ATP9A: variants seen among roughly 807,000 people sequenced by gnomAD.
ATP9A encodes the protein ATPase phospholipid transporting 9A.
Under a neutral mutation model 144.1 loss-of-function variants are expected in ATP9A, and 52 were observed. That is an observed-to-expected ratio of 0.36 (90% CI 0.29 to 0.45). ATP9A has a LOEUF of 0.45. Among genes scored for constraint, ATP9A ranks in the 20% least tolerant of loss-of-function variants. ATP9A has a pLI of 1.00. For synonymous variants in ATP9A, 582 were observed against 557.4 expected, an observed-to-expected ratio of 1.04 and a Z score of -0.62; for missense variants, 947 against 1,392.7, an observed-to-expected ratio of 0.68 and a Z score of 5.09.
At chr20:51,703,017 ATCTTCCCCAGAGACT>A (rs1376510751) in intron 4 of ATP9A, among the ~76,000 whole-genome samples, 1 of 152,006 alleles carries the variant, frequency 6.6e-6, no homozygotes, top group Non-Finnish European at 1.5e-5. Flanking sequence ...TTTTGGTCTC[ATCTTCCCCAGAGACT>A]CCTAAGATGG....
intron 6 of ATP9A, 38 bp downstream of exon 6, chr20:51,696,055 G>A (rs763886754): frequency 6.4e-7 from 1 of 1,570,806 alleles, no homozygotes. Flanking sequence ...CCACTGAAAG[G>A]TTAATGGTTA....
chr20:51,692,562 G>A (rs1348412868), intron 7 of ATP9A, among the ~76,000 whole-genome samples: 3 of 152,206 alleles, frequency 2.0e-5, no homozygotes, highest in African/African-American at 4.8e-5. Context: ...AGCACTTTGG[G>A]AAGCTGAGGT....
At chr20:51,696,651 T>C (rs1052535409) in intron 5 of ATP9A, among the ~76,000 whole-genome samples, 1 of 152,246 alleles carries the variant, frequency 6.6e-6, no homozygotes, top group Admixed American at 6.5e-5. Context: ...CATTTAATTA[T>C]GAACAGAAAA....
intron 18 of ATP9A, 135 bp from the exon 19 acceptor site, chr20:51,622,307 C>A: frequency 2.9e-6 from 2 of 688,226 alleles, no homozygotes; most frequent in East Asian, 5.4e-5. Context: ...CATGCTGTCC[C>A]CAACACAACA....
chr20:51,746,709 G>T (rs1462060652), intron 1 of ATP9A, among the ~76,000 whole-genome samples: 1 of 152,326 alleles, frequency 6.6e-6, no homozygotes, highest in Non-Finnish European at 1.5e-5. Context: ...CATGGTGGGG[G>T]ACACCTGTAG....
At chr20:51,635,155 C>A (rs1020312708) in intron 15 of ATP9A, among the ~76,000 whole-genome samples, 1 of 152,196 alleles carries the variant, frequency 6.6e-6, no homozygotes, top group African/African-American at 2.4e-5. Context: ...CTCTCACCTG[C>A]TCACTCTGAA....
At chr20:51,733,399 A>G (rs1187705165) in intron 1 of ATP9A, among the ~76,000 whole-genome samples, 1 of 151,338 alleles carries the variant, frequency 6.6e-6, no homozygotes, top group Non-Finnish European at 1.5e-5. Context: ...TTCCAGACAG[A>G]GTCTAATTCT....
chr20:51,633,582 C>CA (rs1463910722), intron 15 of ATP9A, among the ~76,000 whole-genome samples: 2 of 151,906 alleles, frequency 1.3e-5, no homozygotes, highest in African/African-American at 4.8e-5. Flanking sequence ...TTTGGCTCTA[C>CA]AAAAAATTTA....
intron 1 of ATP9A, among the ~76,000 whole-genome samples, chr20:51,732,027 C>T (rs1320816027): frequency 1.3e-5 from 2 of 152,032 alleles, no homozygotes; most frequent in African/African-American, 2.4e-5. Flanking sequence ...GTCGGCAGAA[C>T]GACCCCAAGG....
chr20:51,637,190 T>C (rs1466345106), intron 15 of ATP9A, among the ~76,000 whole-genome samples: 4 of 150,904 alleles, frequency 2.7e-5, no homozygotes, highest in Admixed American at 6.7e-5. Context: ...GAGCTGCCCA[T>C]GGCACTAAAG....
At chr20:51,723,594 C>T (rs1252529345) in intron 3 of ATP9A, among the ~76,000 whole-genome samples, 7 of 141,730 alleles carry the variant, frequency 4.9e-5, no homozygotes, top group Admixed American at 1.5e-4. Flanking sequence ...GAGACGGAGT[C>T]TCGCTCTGTT....
chr20:51,665,222 AGACT>A (rs1390468164), intron 13 of ATP9A, among the ~76,000 whole-genome samples: 1 of 146,924 alleles, frequency 6.8e-6, no homozygotes, highest in Non-Finnish European at 1.5e-5. Context: ...GACAGAAAGT[AGACT>A]GACAGCTGGG....
At chr20:51,715,889 T>C (rs933717191) in intron 3 of ATP9A, among the ~76,000 whole-genome samples, 2 of 152,204 alleles carry the variant, frequency 1.3e-5, no homozygotes, top group Non-Finnish European at 2.9e-5. Context: ...TGAAGAATCA[T>C]AGGCAGTGAC....
At chr20:51,766,125 C>T (rs2077902762) in intron 1 of ATP9A, among the ~76,000 whole-genome samples, 1 of 152,118 alleles carries the variant, frequency 6.6e-6, no homozygotes, top group Non-Finnish European at 1.5e-5. Flanking sequence ...CACTTTTGAA[C>T]AATATTTGCA....
At chr20:51,671,793 G>C (rs2077457018) in intron 11 of ATP9A, among the ~76,000 whole-genome samples, 1 of 151,594 alleles carries the variant, frequency 6.6e-6, no homozygotes, top group African/African-American at 2.4e-5. Context: ...ACATTTCTAT[G>C]AATTTGACTA....
chr20:51,679,145 G>A (rs772521706), intron 9 of ATP9A, among the ~76,000 whole-genome samples: 6 of 151,712 alleles, frequency 4.0e-5, no homozygotes, highest in Admixed American at 1.3e-4. Flanking sequence ...CCAACATGGC[G>A]AAACCCCATC....
intron 3 of ATP9A, among the ~76,000 whole-genome samples, chr20:51,717,328 ACT>A (rs1265950749): frequency 6.6e-6 from 1 of 151,996 alleles, no homozygotes; most frequent in Non-Finnish European, 1.5e-5. Flanking sequence ...CTGAAAATTG[ACT>A]CTCTACATAA....
intron 2 of ATP9A, among the ~76,000 whole-genome samples, chr20:51,726,798 T>C (rs2077715453): frequency 6.6e-6 from 1 of 151,496 alleles, no homozygotes; most frequent in Non-Finnish European, 1.5e-5. Flanking sequence ...AGGCTGGCCT[T>C]GAACTCCTGG....
intron 1 of ATP9A, among the ~76,000 whole-genome samples, chr20:51,730,854 T>C (rs752880497): frequency 9.9e-5 from 15 of 152,210 alleles, no homozygotes; most frequent in African/African-American, 3.1e-4. Context: ...TGTCATTATG[T>C]GGCAAAAGAC....
Sources: gnomAD v4.1 joint callset for allele counts (sites outside exome capture counted in the v4.1 genomes callset) on GRCh38, gnomAD v4.1.1 for gene constraint, MANE v1.5 for transcripts, NCBI Gene and HGNC (gene_info 2026-07-23, HGNC 2026-07-21) for gene names.